KLF17: variants seen among roughly 807,000 people sequenced by gnomAD.
KLF17 encodes Krueppel-like factor 17.
KLF17 carries 31 observed loss-of-function variants against 34.2 expected under a neutral mutation model. That is an observed-to-expected ratio of 0.91 (90% CI 0.68 to 1.22). The LOEUF is 1.22. Ranked by LOEUF, KLF17 falls within the 50% of genes most tolerant of loss-of-function variation. KLF17 has a pLI of 0.00. For missense variants in KLF17, 478 were observed against 505.2 expected (o/e 0.95, Z 0.52); for synonymous variants, 179 against 186.7 (o/e 0.96, Z 0.34).
chr1:44,126,575 G>GTTT (rs1553171522), intron 1 of KLF17, among the ~76,000 whole-genome samples: 8,887 of 152,104 alleles, frequency 0.058, 324 homozygotes, highest in South Asian at 0.11. Flanking sequence ...GGTTCCTGGT[G>GTTT]CTTCCTACCC....
chr1:44,130,542 G>A lies in KLF17; in HGVS notation c.956G>A (p.Ser319Asn), dbSNP rs768144719. ...GERPYSCNWE[S>N]CSWSFFRSDE... ...AGGCCATATTCTTGCAACTGGGAAA[G>A]TTGTTCATGGTCTTTCTTCCGTTCT... Residue 319 changes from serine (S) to asparagine (N), a missense_variant, in exon 3 of 4, where the codon AGT (serine) becomes AAT (asparagine). Physicochemically the swap from Ser to Asn is conservative, Grantham distance 46. Transcript: ENST00000372299. 5 of 1,614,040 alleles carry A rather than the reference G, an allele frequency of 3.1e-6. No homozygotes were observed. In the Admixed American group the frequency reaches 8.3e-5, roughly 27 times the overall value.
chr1:44,103,738 T>A, the KLF17 span: 2 of 1,335,356 alleles, frequency 1.5e-6, no homozygotes, highest in Non-Finnish European at 2.1e-6. Flanking sequence ...TTGGCACCCT[T>A]AACTGCCAGC....
In KLF17 at chr1:44,129,382, C is replaced by T. The variant is rs1389288063; in HGVS notation, c.111C>T (p.Asn37=). 1 of 1,519,896 alleles carries T rather than the reference C, an allele frequency of 6.6e-7. No individual in the cohort carries two copies. Among genetic ancestry groups the T allele is most frequent in the Non-Finnish European group, 8.8e-7 (1 of 1,134,488 alleles). 94.2% of individuals were successfully genotyped at this position (1,519,896 alleles called of 1,614,324 possible). A position where few individuals can be genotyped will look rare whatever the true frequency, so the allele number is the denominator to read the frequency against. Residue 37 remains asparagine (N), a synonymous_variant, in exon 2 of 4, where the codon AAC becomes AAT. Coordinates refer to ENST00000372299, the MANE Select transcript of KLF17 (RefSeq NM_173484.4). Reference sequence around the variant, plus strand: ...ACGAGAACTCAGCGCCCATCTTGAACATGTCTTCATCTTCTGGAAGCTCTG... The same window carrying T: ...ACGAGAACTCAGCGCCCATCTTGAATATGTCTTCATCTTCTGGAAGCTCTG... The part of the protein sequence containing the change: ...QDNENSAPIL[N]MSSSSGSSGV...
the KLF17 span, among the ~76,000 whole-genome samples, chr1:44,056,053 TG>T: frequency 6.6e-6 from 1 of 152,238 alleles, no homozygotes; most frequent in Admixed American, 6.5e-5. Flanking sequence ...TTAAATGGAC[TG>T]ATCTAGACTC....
chr1:44,082,316 A>G, the KLF17 span, among the ~76,000 whole-genome samples: 2 of 152,248 alleles, frequency 1.3e-5, no homozygotes, highest in Admixed American at 6.5e-5. Context: ...TTAATACAAC[A>G]TTCATTATAA....
chr1:44,054,779 C>CT, the KLF17 span, among the ~76,000 whole-genome samples: 24,786 of 97,028 alleles, frequency 0.26, 3,226 homozygotes, highest in African/African-American at 0.34. Flanking sequence ...CCGTGCCCAG[C>CT]TTTTTTTTTT....
At chr1:44,065,559 A>G in the KLF17 span, among the ~76,000 whole-genome samples, 1 of 151,698 alleles carries the variant, frequency 6.6e-6, no homozygotes, top group African/African-American at 2.4e-5. Flanking sequence ...ACAGTTGAGC[A>G]CCACCACGCC....
chr1:44,117,589 G>A (rs374933395), upstream of KLF17, among the ~76,000 whole-genome samples: 115 of 151,580 alleles, frequency 7.6e-4, 4 homozygotes, highest in East Asian at 7.4e-3. Context: ...TCCACCACCC[G>A]GATTCAAGCG....
chr1:44,072,816 C>T, the KLF17 span, among the ~76,000 whole-genome samples: 3 of 152,132 alleles, frequency 2.0e-5, no homozygotes, highest in Non-Finnish European at 4.4e-5. Context: ...GAGCCTCTGA[C>T]AGTAAGAGGC....
the KLF17 span, among the ~76,000 whole-genome samples, chr1:44,061,789 G>T: frequency 6.6e-6 from 1 of 152,200 alleles, no homozygotes; most frequent in East Asian, 1.9e-4. Context: ...GTGGTGGCAG[G>T]TGCCTGTAAT....
chr1:44,074,018 A>G, the KLF17 span, among the ~76,000 whole-genome samples: 2 of 152,122 alleles, frequency 1.3e-5, no homozygotes, highest in African/African-American at 2.4e-5. Flanking sequence ...TGCCCCCCCA[A>G]CAATATTTGA....
the KLF17 span, chr1:44,044,579 G>A: frequency 2.0e-5 from 3 of 152,254 alleles, no homozygotes; most frequent in Non-Finnish European, 4.4e-5. Flanking sequence ...CAGCATCTAG[G>A]GGGGCAGAGG....
At chr1:44,115,931 T>A (rs570467637), upstream of KLF17, 1 of 152,182 alleles carries the variant, frequency 6.6e-6, no homozygotes, top group Non-Finnish European at 1.5e-5. Context: ...GGCAAATAAA[T>A]TTTTCACTTT....
the KLF17 span, among the ~76,000 whole-genome samples, chr1:44,113,360 G>A: frequency 6.6e-6 from 1 of 152,152 alleles, no homozygotes; most frequent in Non-Finnish European, 1.5e-5. Context: ...GACAGCAGAA[G>A]GCAGAAAAAG....
chr1:44,055,185 G>A, the KLF17 span, among the ~76,000 whole-genome samples: 1 of 152,178 alleles, frequency 6.6e-6, no homozygotes, highest in Non-Finnish European at 1.5e-5. Flanking sequence ...GCATAGGACT[G>A]ATGGGGCCTG....
the KLF17 span, among the ~76,000 whole-genome samples, chr1:44,081,645 T>C: frequency 1.3e-5 from 2 of 152,090 alleles, no homozygotes; most frequent in East Asian, 3.9e-4. Context: ...GGTCTTGAAC[T>C]CGTGACCTCA....
chr1:44,090,306 CAAAAAAAAAAAAAAAAAAAAA>C, the KLF17 span, among the ~76,000 whole-genome samples: 1 of 23,410 alleles, frequency 4.3e-5, no homozygotes, highest in South Asian at 3.1e-3. Flanking sequence ...CTTGTCTCTA[CAAAAAAAAAAAAAAAAAAAAA>C]AAAAAAAAAA....
chr1:44,125,684 C>T (rs1403210727), intron 1 of KLF17, among the ~76,000 whole-genome samples: 5 of 152,066 alleles, frequency 3.3e-5, no homozygotes, highest in Admixed American at 2.6e-4. Context: ...GCCAGGCTGG[C>T]CTTGAACTTC....
At chr1:44,106,422 A>T in the KLF17 span, 1 of 152,208 alleles carries the variant, frequency 6.6e-6, no homozygotes, top group African/African-American at 2.4e-5. Flanking sequence ...TCTCCATCCT[A>T]TCCCCACTAT....
Sources: allele counts gnomAD v4.1 joint callset (sites outside exome capture counted in the v4.1 genomes callset), GRCh38; gene constraint gnomAD v4.1.1; transcripts MANE v1.5; gene names NCBI Gene and HGNC (gene_info 2026-07-23, HGNC 2026-07-21).